The following MYT1L variants were observed in gnomAD, a reference collection of about 807,000 sequenced individuals.
The protein encoded by MYT1L is myelin transcription factor 1 like, also known as myelin transcription factor 1-like protein.
In MYT1L, 12 loss-of-function variants were observed where a neutral mutation model predicts 126.7. The ratio of observed to expected loss-of-function variants is 0.09; its 90% CI spans 0.06 to 0.15. The LOEUF (loss-of-function observed/expected upper bound fraction) is 0.15, where lower values mean the gene tolerates loss of function less well. Among genes scored for constraint, MYT1L ranks in the 10% least tolerant of loss-of-function variants. MYT1L has a pLI of 1.00. For synonymous variants in MYT1L, 541 were observed against 604.2 expected (o/e 0.90, Z 1.53); for missense variants, 979 against 1,585.2 (o/e 0.62, Z 6.49).
At chr2:1,829,569 C>T (rs1387004161) in intron 21 of MYT1L, among the ~76,000 whole-genome samples, 1 of 122,390 alleles carries the variant, frequency 8.2e-6, no homozygotes, top group Admixed American at 8.0e-5. Context: ...ACTGACCCTC[C>T]CATGCACCTG....
chr2:1,920,942 C>T (rs920843604), intron 10 of MYT1L, among the ~76,000 whole-genome samples: 1 of 152,372 alleles, frequency 6.6e-6, no homozygotes, highest in African/African-American at 2.4e-5. Flanking sequence ...GCCCAGGCAC[C>T]TGCCGAGAGT....
intron 21 of MYT1L, among the ~76,000 whole-genome samples, chr2:1,818,734 T>C (rs12714325): frequency 0.019 from 2,924 of 152,296 alleles, 50 homozygotes; most frequent in Non-Finnish European, 0.031. Flanking sequence ...GTGACATTTC[T>C]GCCTCTGACT....
intron 3 of MYT1L, among the ~76,000 whole-genome samples, chr2:2,106,211 T>C (rs528887101): frequency 6.4e-4 from 97 of 152,318 alleles, no homozygotes; most frequent in African/African-American, 2.3e-3. Flanking sequence ...AAAATAAAGA[T>C]AATATGTTAG....
chr2:1,993,136 A>G (rs1389688628), intron 5 of MYT1L, among the ~76,000 whole-genome samples: 1 of 152,184 alleles, frequency 6.6e-6, no homozygotes, highest in Non-Finnish European at 1.5e-5. Flanking sequence ...AGTAATAATG[A>G]AACTCCAGCC....
At position 1,943,595 on chromosome 2, in the gene MYT1L, C is replaced by T. The variant is rs933774531; in HGVS notation, c.153-261G>A. ...ATTTAGTCCAAGTCTCCTAGTTCCT[C>T]GTTCCTATAATTCCAGAGATCCTAC... On this transcript the variant is annotated intron_variant, in intron 8 of 24. Coordinates refer to ENST00000647738, the MANE Select transcript of MYT1L (RefSeq NM_001303052.2). The surrounding 1 kb of genome is among the most constrained non-coding windows in gnomAD (Gnocchi z 4.4). Among the ~76,000 whole-genome samples, 5 of 152,272 alleles carry T rather than the reference C, an allele frequency of 3.3e-5. No homozygotes were observed. The highest frequency in any genetic ancestry group is 1.9e-4 in the East Asian group (1 of 5,178).
At chr2:2,177,074 G>A (rs1486158566) in intron 2 of MYT1L, among the ~76,000 whole-genome samples, 1 of 152,250 alleles carries the variant, frequency 6.6e-6, no homozygotes, top group Non-Finnish European at 1.5e-5. Context: ...CCACTGCTGA[G>A]GAAGGGGATG....
At chr2:2,171,243 C>A (rs1319180493) in intron 3 of MYT1L, among the ~76,000 whole-genome samples, 2 of 152,180 alleles carry the variant, frequency 1.3e-5, no homozygotes, top group Non-Finnish European at 2.9e-5. Context: ...CAGCTGAGAA[C>A]CCTACTGAAA....
chr2:1,964,087 C>T (rs556386707), intron 8 of MYT1L, among the ~76,000 whole-genome samples: 4 of 152,280 alleles, frequency 2.6e-5, no homozygotes, highest in Non-Finnish European at 5.9e-5. Flanking sequence ...CACTTGAACA[C>T]TTAGAGGCCA....
rs181754628 is a variant in MYT1L, at chr2:2,039,542, G to A, written c.-158+14436C>T. On this transcript the variant is annotated intron_variant, in intron 4 of 24. Transcript: ENST00000647738. ...ACCATTTGCAGGAATGTTCAAAGGT[G>A]AATTTATGAAGGTGAAAAGGTGTGA... is the stretch of plus-strand genomic sequence containing the variant. Among the ~76,000 whole-genome samples the A allele has an allele frequency of 2.0e-3, 310 of 152,306 alleles. 1 individual carries two copies. The highest frequency in any genetic ancestry group is 3.7e-3 in the Non-Finnish European group (249 of 68,026).
Position 1,851,809 on chromosome 2 carries a change from C to T in MYT1L, c.2712-106G>A. ...GCAAACTAACTCTATTGCTTCACTT[C>T]CTACTTGAAAGAGGCTGAGTGGAGC... On this transcript the variant is annotated intron_variant, in intron 18 of 24. Coordinates refer to ENST00000647738, the MANE Select transcript of MYT1L (RefSeq NM_001303052.2). 7.3e-6 allele frequency: 8 copies of T among 1,102,846 alleles called. No homozygotes were observed. The South Asian group carries it at 9.3e-5, about 13-fold the overall frequency. 68.3% of individuals were successfully genotyped at this position (1,102,846 alleles called of 1,614,324 possible).
chr2:2,048,932 G>A (rs1484067003), intron 4 of MYT1L, among the ~76,000 whole-genome samples: 1 of 152,102 alleles, frequency 6.6e-6, no homozygotes, highest in East Asian at 1.9e-4. Flanking sequence ...CATGAGAAAT[G>A]CAAATTTCTA....
Position 1,791,120 on chromosome 2 carries a change from C to T in MYT1L, c.*747G>A. On this transcript the variant is annotated 3_prime_UTR_variant, in exon 25 of 25. Transcript: ENST00000647738. The surrounding 1 kb of genome is among the most constrained non-coding windows in gnomAD (Gnocchi z 6.0). ...AGTTAATTTAAAAGTGCTGTTTAAG[C>T]TGCTTTGAATCTTCTGCCAAGTTTC... The T allele has an allele frequency of 2.3e-6, 1 of 443,878 alleles. No homozygotes were observed. Among genetic ancestry groups the T allele is most frequent in the Admixed American group, 2.8e-5 (1 of 36,290 alleles). 27.5% of individuals were successfully genotyped at this position (443,878 alleles called of 1,614,324 possible).
intron 3 of MYT1L, among the ~76,000 whole-genome samples, chr2:2,109,388 G>C (rs1010489527): frequency 3.3e-5 from 5 of 152,156 alleles, no homozygotes; most frequent in African/African-American, 1.2e-4. Flanking sequence ...TTAGAGAACA[G>C]CGTGGGAAGG....
chr2:1,833,916 GA>G (rs1195266118), intron 21 of MYT1L, among the ~76,000 whole-genome samples: 1 of 152,226 alleles, frequency 6.6e-6, no homozygotes, highest in Non-Finnish European at 1.5e-5. Flanking sequence ...AAGTGAAGTG[GA>G]AACGATTTCA....
In MYT1L at chr2:1,886,550, G is replaced by T; in HGVS notation, c.2700C>A (p.Ser900=). 6.3e-7 allele frequency: 1 copy of T among 1,576,264 alleles called. No individual in the cohort carries two copies. Residue 900 remains serine (S), a synonymous_variant, in exon 18 of 25, where the codon TCC becomes TCA. Coordinates refer to ENST00000647738, the MANE Select transcript of MYT1L (RefSeq NM_001303052.2). ...TCATTAAATCTTACTTGAGTTCTTG[G>T]GAGCTGGTGGCCAGCATACTTCGAA... ...KSIRSMLATS[S]QELKCPTPGC... is the part of the protein sequence containing the mutation.
chr2:2,037,804 C>T (rs375674354), intron 4 of MYT1L, among the ~76,000 whole-genome samples: 1 of 139,928 alleles, frequency 7.1e-6, no homozygotes, highest in Non-Finnish European at 1.6e-5. Flanking sequence ...AACAAAAAAA[C>T]AAAAAAAAAA....
At chr2:2,167,934 T>C (rs763229192) in intron 3 of MYT1L, among the ~76,000 whole-genome samples, 4 of 152,366 alleles carry the variant, frequency 2.6e-5, no homozygotes, top group Middle Eastern at 3.4e-3. Flanking sequence ...ATACGTTATA[T>C]AAATGCATAG....
chr2:1,867,483 G>C (rs2045731807), intron 18 of MYT1L, among the ~76,000 whole-genome samples: 1 of 152,172 alleles, frequency 6.6e-6, no homozygotes, highest in Non-Finnish European at 1.5e-5. Flanking sequence ...TGAATCCAAA[G>C]TCCTCAACTT....
chr2:1,792,429 T>C lies in MYT1L; in HGVS notation c.3312A>G (p.Glu1104=), dbSNP rs2032288922. 6 of 1,613,676 alleles carry C rather than the reference T, an allele frequency of 3.7e-6. No individual in the cohort carries two copies. Among genetic ancestry groups the C allele is most frequent in the Non-Finnish European group, 5.1e-6 (6 of 1,179,814 alleles). ...GCTGCTCAATCACTTTGTTCTCCTC[T>C]TCGATGGTCTTCAGGTTGCTCTCCA... ...TTMESNLKTI[E]EENKVIEQQN... is the part of the protein sequence containing the mutation. The change falls in exon 24 of 25, where the codon GAA becomes GAG. Residue 1104 remains glutamate (E), a synonymous_variant. Transcript: ENST00000647738.
Sources: gnomAD v4.1 joint callset for allele counts (sites outside exome capture counted in the v4.1 genomes callset) on GRCh38, gnomAD v4.1.1 for gene constraint, Gnocchi (gnomAD v3.1) non-coding constraint, MANE v1.5 for transcripts, NCBI Gene and HGNC (gene_info 2026-07-23, HGNC 2026-07-21) for gene names.